JAK1: variants seen among roughly 807,000 people sequenced by gnomAD.
The protein encoded by JAK1 is Janus kinase 1.
Under a neutral mutation model 136.6 loss-of-function variants are expected in JAK1, and 16 were observed. The observed-to-expected ratio is 0.12, with a 90% CI of 0.08 to 0.18. JAK1 has a LOEUF of 0.18. JAK1 is among the 10% of genes least tolerant of loss of function. The pLI, the probability that JAK1 is intolerant of heterozygous loss-of-function variation, is 1.00. For synonymous variants in JAK1, 492 were observed against 519.5 expected (o/e 0.95, Z 0.72); for missense variants, 859 against 1,450.1 (o/e 0.59, Z 6.62).
At chr1:65,032,525 A>AAC (rs1557766679) in intron 2 of JAK1, among the ~76,000 whole-genome samples, 173 of 152,266 alleles carry the variant, frequency 1.1e-3, no homozygotes, top group African/African-American at 4.0e-3. Flanking sequence ...ACAACAACAA[A>AAC]AAAAACAGGC....
At position 64,984,882 on chromosome 1, in the gene JAK1, G is replaced by A; in HGVS notation, c.-78+59598C>T. ...GTTGGAGGTCCAGGTGGAGCAGCCGGCCACTGCCATCACAGCTGGGCCAGG... is the reference window on the plus strand; with the variant it reads ...GTTGGAGGTCCAGGTGGAGCAGCCGACCACTGCCATCACAGCTGGGCCAGG... On this transcript the variant is annotated intron_variant, in intron 2 of 25. Coordinates refer to the JAK1 transcript ENST00000671954. This position sits in a 1 kb window ranked among gnomAD's most constrained non-coding sequence, Gnocchi z 4.1. 1.7e-6 allele frequency: 2 copies of A among 1,191,966 alleles called. No homozygotes were observed. The highest frequency in any genetic ancestry group is 2.5e-6 in the Non-Finnish European group (2 of 798,778). 73.8% of individuals were successfully genotyped at this position (1,191,966 alleles called of 1,614,324 possible).
intron 11 of JAK1, among the ~76,000 whole-genome samples, chr1:64,852,763 C>G (rs1196470428): frequency 6.6e-6 from 1 of 152,178 alleles, no homozygotes; most frequent in Non-Finnish European, 1.5e-5. Context: ...ACAGTTGTGT[C>G]CTTCATAGGT....
At chr1:64,842,889 G>C (rs1360940024) in intron 17 of JAK1, among the ~76,000 whole-genome samples, 1 of 152,124 alleles carries the variant, frequency 6.6e-6, no homozygotes, top group Non-Finnish European at 1.5e-5. Flanking sequence ...AAGTCATAAA[G>C]GTTCTACCTC....
intron 1 of JAK1, among the ~76,000 whole-genome samples, chr1:64,915,364 A>G (rs1368138156): frequency 1.3e-5 from 2 of 152,218 alleles, no homozygotes; most frequent in African/African-American, 4.8e-5. Flanking sequence ...TCGATAATCC[A>G]CAAATACTGA....
intron 12 of JAK1, among the ~76,000 whole-genome samples, chr1:64,848,305 C>G (rs1655370618): frequency 6.6e-6 from 1 of 152,172 alleles, no homozygotes; most frequent in Non-Finnish European, 1.5e-5. Context: ...TATCTGAAGC[C>G]CTCTGGCACA....
chr1:64,888,465 C>A (rs1644885637), intron 1 of JAK1, among the ~76,000 whole-genome samples: 1 of 152,218 alleles, frequency 6.6e-6, no homozygotes, highest in South Asian at 2.1e-4. Flanking sequence ...CAGGCGTGAG[C>A]CACCACACCT....
At chr1:64,878,559 GTGTA>G (rs1423436910) in intron 4 of JAK1, among the ~76,000 whole-genome samples, 35 of 79,246 alleles carry the variant, frequency 4.4e-4, no homozygotes, top group Admixed American at 1.4e-3. Context: ...TATATATAGT[GTGTA>G]TATATATATA....
chr1:64,894,741 C>G (rs1452699580), intron 1 of JAK1, among the ~76,000 whole-genome samples: 1 of 152,102 alleles, frequency 6.6e-6, no homozygotes, highest in African/African-American at 2.4e-5. Context: ...CATGCTGCTG[C>G]ACTCTAGCCT....
At chr1:65,048,608 A>G (rs1312094626) in intron 1 of JAK1, among the ~76,000 whole-genome samples, 1 of 152,200 alleles carries the variant, frequency 6.6e-6, no homozygotes, top group Non-Finnish European at 1.5e-5. Context: ...AGATGCAAAC[A>G]AAGACACGCT....
At position 64,956,176 on chromosome 1, in the gene JAK1, CTG is replaced by C. The variant is rs542189773; in HGVS notation, c.-78+10155_-78+10156del. ...CTGTGCTCAAAGCTGAAAATGTTTA[CTG>C]TCTTTCCCCTCACAAAGTTTTCAGA... On this transcript the variant is annotated intron_variant, in intron 1 of 24. Transcript: ENST00000342505. Among the ~76,000 whole-genome samples the C allele has an allele frequency of 8.6e-4, 131 of 152,322 alleles. 1 individual carries two copies. The highest frequency in any genetic ancestry group is 3.0e-3 in the African/African-American group (126 of 41,576).
chr1:64,866,131 T>G (rs1327745155), intron 7 of JAK1, among the ~76,000 whole-genome samples: 1 of 152,212 alleles, frequency 6.6e-6, no homozygotes, highest in Non-Finnish European at 1.5e-5. Flanking sequence ...CAACATTTAT[T>G]GTATTGCCAG....
chr1:64,896,269 C>T (rs1018979917), intron 1 of JAK1, among the ~76,000 whole-genome samples: 1 of 152,206 alleles, frequency 6.6e-6, no homozygotes, highest in African/African-American at 2.4e-5. Flanking sequence ...GTCTAACAGA[C>T]AACACTTGAA....
chr1:64,905,102 CTT>C (rs968527902), intron 1 of JAK1, among the ~76,000 whole-genome samples: 1 of 152,158 alleles, frequency 6.6e-6, no homozygotes, highest in Non-Finnish European at 1.5e-5. Flanking sequence ...CCTCGGCCTT[CTT>C]GTTTTTTCCC....
intron 12 of JAK1, among the ~76,000 whole-genome samples, chr1:64,848,426 C>T (rs368490828): frequency 6.6e-6 from 1 of 152,202 alleles, no homozygotes; most frequent in Admixed American, 6.5e-5. Context: ...GTGCAAAGTA[C>T]ACCTGCATTT....
intron 1 of JAK1, among the ~76,000 whole-genome samples, chr1:64,919,894 G>A (rs1054587241): frequency 4.0e-5 from 6 of 151,844 alleles, no homozygotes; most frequent in Non-Finnish European, 5.9e-5. Flanking sequence ...GGACAGAGTC[G>A]GGTTCTTGGA....
chr1:64,877,949 G>A lies in JAK1; in HGVS notation c.329+1076C>T, dbSNP rs1487593365. 2.0e-5 allele frequency among the ~76,000 whole-genome samples: 3 copies of A among 152,148 alleles called. No homozygotes were observed. The East Asian group carries it at 5.8e-4, about 29-fold the overall frequency. ...AAAGAAGAGGAAAAAGTCAGCCCTA[G>A]GATGATTATCAAAGAAAGTTAGATC... On this transcript the variant is annotated intron_variant, in intron 4 of 24. Transcript: ENST00000342505.
intron 2 of JAK1, among the ~76,000 whole-genome samples, chr1:64,978,194 C>G (rs562083884): frequency 1.3e-5 from 2 of 152,220 alleles, no homozygotes; most frequent in African/African-American, 4.8e-5. Context: ...AGGAGAATTG[C>G]TTGAACTCAA....
At chr1:64,976,862 C>A (rs1322433228) in intron 2 of JAK1, among the ~76,000 whole-genome samples, 2 of 152,162 alleles carry the variant, frequency 1.3e-5, no homozygotes. Context: ...TAAGAGCCAC[C>A]CCACGATAAG....
intron 1 of JAK1, among the ~76,000 whole-genome samples, chr1:65,063,971 T>C (rs1647932426): frequency 1.3e-5 from 2 of 152,166 alleles, no homozygotes; most frequent in African/African-American, 4.8e-5. Flanking sequence ...TAATAGCATA[T>C]TCATTTAACC....
Sources: allele counts gnomAD v4.1 joint callset (sites outside exome capture counted in the v4.1 genomes callset), GRCh38; gene constraint gnomAD v4.1.1; non-coding constraint Gnocchi (gnomAD v3.1); transcripts MANE v1.5; gene names NCBI Gene and HGNC (gene_info 2026-07-23, HGNC 2026-07-21).